The following GHR variants were observed in gnomAD, a reference collection of about 807,000 sequenced individuals.
GHR encodes the protein GH receptor.
Under a neutral mutation model 67.1 loss-of-function variants are expected in GHR, and 35 were observed. The observed-to-expected ratio is 0.52, with a 90% confidence interval of 0.40 to 0.69. The LOEUF (loss-of-function observed/expected upper bound fraction) is 0.69. Among genes scored for constraint, GHR ranks in the 30% least tolerant of loss-of-function variants. The pLI, the probability that GHR is intolerant of heterozygous loss-of-function variation, is 0.00. For missense variants in GHR, 792 were observed against 764.6 expected, an observed-to-expected ratio of 1.04 and a Z score of -0.42; for synonymous variants, 272 against 269.1, an observed-to-expected ratio of 1.01 and a Z score of -0.10.
chr5:42,475,008 C>T (rs1053377291), intron 1 of GHR, among the ~76,000 whole-genome samples: 1 of 151,370 alleles, frequency 6.6e-6, no homozygotes. Context: ...CTCAGCCTCC[C>T]GAGTAGCTTG....
chr5:42,614,559 ATTTTTTTTTTTTT>A (rs553365880), intron 2 of GHR, among the ~76,000 whole-genome samples: 8 of 65,378 alleles, frequency 1.2e-4, no homozygotes, highest in African/African-American at 2.5e-4. Flanking sequence ...CATAGAGGAC[ATTTTTTTTTTTTT>A]TTTTTTTTTT....
intron 1 of GHR, among the ~76,000 whole-genome samples, chr5:42,502,434 C>T (rs1746577094): frequency 6.6e-6 from 1 of 152,140 alleles, no homozygotes; most frequent in Non-Finnish European, 1.5e-5. Context: ...TGTTTGTTTG[C>T]TCTTTATAAC....
intron 2 of GHR, among the ~76,000 whole-genome samples, chr5:42,601,526 T>C (rs1217196227): frequency 3.3e-5 from 5 of 152,200 alleles, no homozygotes; most frequent in African/African-American, 1.2e-4. Context: ...TATATTTTTC[T>C]AAGTGGTTCT....
At position 42,719,601 on chromosome 5, in the gene GHR, G is replaced by C; in HGVS notation, c.*177G>C. The stretch of plus-strand genomic sequence containing the variant: ...ATGATGTTAAAAAAATAAGAAGAAT[G>C]CTTAATCAGATAGATATTCCTATTG... On this transcript the variant is annotated 3_prime_UTR_variant, in exon 10 of 10. Coordinates refer to ENST00000230882, the MANE Select transcript of GHR (RefSeq NM_000163.5). 1.5e-6 allele frequency: 1 copy of C among 660,734 alleles called. No individual in the cohort carries two copies. Among genetic ancestry groups the C allele is most frequent in the South Asian group, 1.7e-5 (1 of 59,654 alleles). 40.9% of individuals were successfully genotyped at this position (660,734 alleles called of 1,614,324 possible). A position where few individuals can be genotyped will look rare whatever the true frequency, so the allele number is the denominator to read the frequency against.
At chr5:42,583,842 T>A (rs1020290512) in intron 2 of GHR, among the ~76,000 whole-genome samples, 1 of 150,430 alleles carries the variant, frequency 6.6e-6, no homozygotes. Context: ...TTTCCAAATC[T>A]TGCAAAAAAT....
chr5:42,532,794 T>C (rs767869722), intron 1 of GHR, among the ~76,000 whole-genome samples: 2 of 152,194 alleles, frequency 1.3e-5, no homozygotes, highest in Non-Finnish European at 2.9e-5. Context: ...AATTGCCATA[T>C]ATTACTCCAT....
At chr5:42,560,225 C>T (rs1349219173) in intron 1 of GHR, among the ~76,000 whole-genome samples, 4 of 152,138 alleles carry the variant, frequency 2.6e-5, no homozygotes, top group African/African-American at 7.2e-5. Context: ...GACAGAGTCT[C>T]GCTCTGTTGC....
intron 2 of GHR, among the ~76,000 whole-genome samples, chr5:42,614,801 C>T (rs1026145437): frequency 2.6e-5 from 4 of 151,584 alleles, no homozygotes; most frequent in African/African-American, 9.7e-5. Context: ...CTGTTGGCTC[C>T]AGGGAGTTTG....
At chr5:42,699,785 G>T (rs549564929) in intron 5 of GHR, 39 bp from the exon 6 acceptor site, 4 of 1,352,758 alleles carry the variant, frequency 3.0e-6, no homozygotes, top group African/African-American at 2.9e-5. Flanking sequence ...ATATTAAATT[G>T]TGTCTGTCTG....
chr5:42,657,986 A>G (rs1755347537), intron 3 of GHR, among the ~76,000 whole-genome samples: 1 of 152,158 alleles, frequency 6.6e-6, no homozygotes, highest in Non-Finnish European at 1.5e-5. Flanking sequence ...CAGAATCAGG[A>G]CTTGTCTTTA....
intron 1 of GHR, among the ~76,000 whole-genome samples, chr5:42,445,030 T>A (rs1382540231): frequency 6.6e-6 from 1 of 152,192 alleles, no homozygotes; most frequent in Non-Finnish European, 1.5e-5. Context: ...TGTAAACACT[T>A]GTTAAAAAAG....
At chr5:42,595,013 A>T (rs928020527) in intron 2 of GHR, among the ~76,000 whole-genome samples, 17 of 152,174 alleles carry the variant, frequency 1.1e-4, no homozygotes, top group African/African-American at 3.6e-4. Context: ...ACAGTCCCTA[A>T]CATCTAAAAA....
At chr5:42,514,127 G>T in intron 1 of GHR, 2 of 984,686 alleles carry the variant, frequency 2.0e-6, no homozygotes, top group Non-Finnish European at 2.4e-6. Flanking sequence ...AAGACAAATG[G>T]CTAAAATAAA....
At chr5:42,438,158 G>T (rs1348414350) in intron 1 of GHR, among the ~76,000 whole-genome samples, 1 of 152,114 alleles carries the variant, frequency 6.6e-6, no homozygotes, top group Non-Finnish European at 1.5e-5. Context: ...ATGATCAAGG[G>T]CTATACCAAG....
intron 3 of GHR, among the ~76,000 whole-genome samples, chr5:42,686,721 A>G (rs1432240273): frequency 1.3e-5 from 2 of 152,232 alleles, no homozygotes. Context: ...AGCCAATATC[A>G]TACTGAATGG....
rs1234016620 is a variant in GHR, at chr5:42,468,732, G to A, written c.-12+44777G>A. ...AGCTGCCGCTCTTGGCCCCAGAGAC[G>A]CCGCCCCCGCCAGCTTCTTTTTTCT... is the stretch of plus-strand genomic sequence containing the variant. On this transcript the variant is annotated intron_variant, in intron 1 of 9. Transcript: ENST00000230882. The A allele has an allele frequency of 2.0e-5, 20 of 993,332 alleles. No individual in the cohort carries two copies. In the East Asian group the frequency reaches 4.7e-4, roughly 24 times the overall value. The allele number at this position is 993,332 out of a possible 1,614,324, so 61.5% of individuals were successfully genotyped here.
intron 1 of GHR, among the ~76,000 whole-genome samples, chr5:42,444,008 GAT>G (rs1364553906): frequency 0.026 from 3,775 of 144,830 alleles, 69 homozygotes; most frequent in Non-Finnish European, 0.036. Flanking sequence ...GACATAGATA[GAT>G]ATAGATATAG....
intron 1 of GHR, among the ~76,000 whole-genome samples, chr5:42,469,902 G>A (rs533625762): frequency 6.6e-6 from 1 of 152,062 alleles, no homozygotes; most frequent in East Asian, 1.9e-4. Context: ...AGTGGGGACA[G>A]GTATTCCTTT....
rs145847415 is a variant in GHR at position 42,478,245 on chromosome 5, A to C, written c.-12+54290A>C. 9.6e-4 allele frequency among the ~76,000 whole-genome samples: 146 copies of C among 152,172 alleles called. 3 individuals are homozygous for C. The East Asian group carries it at 0.025, about 27-fold the overall frequency. On this transcript the variant is annotated intron_variant, in intron 1 of 9. Coordinates refer to ENST00000230882, the MANE Select transcript of GHR (RefSeq NM_000163.5). Reference sequence around the variant, plus strand: ...TCCGTTCGGTTCCATTGGTCTATATATCTGTTTTGGTACCAGTACCATGCT... The same window carrying C: ...TCCGTTCGGTTCCATTGGTCTATATCTCTGTTTTGGTACCAGTACCATGCT...
Sources: allele counts gnomAD v4.1 joint callset (sites outside exome capture counted in the v4.1 genomes callset), GRCh38; gene constraint gnomAD v4.1.1; transcripts MANE v1.5; gene names NCBI Gene and HGNC (gene_info 2026-07-23, HGNC 2026-07-21).